Variants in LIPA observed in about 807,000 individuals in gnomAD.
The protein encoded by LIPA is lysosomal acid lipase/cholesteryl ester hydrolase.
In LIPA, 26 loss-of-function variants were observed where a neutral mutation model predicts 40.6. That is an observed-to-expected ratio of 0.64 (90% CI 0.47 to 0.89). The LOEUF (loss-of-function observed/expected upper bound fraction) is 0.89, where lower values mean the gene tolerates loss of function less well. LIPA is among the 40% of genes least tolerant of loss of function. The pLI is 0.00. For missense variants in LIPA, 455 were observed against 479.6 expected (o/e 0.95, Z 0.48); for synonymous variants, 188 against 168.4 (o/e 1.12, Z -0.90).
rs563251453 is a variant in LIPA at position 89,354,714 on chromosome 10, C to T, written c.61+58077G>A. Among the ~76,000 whole-genome samples, 30 of 152,190 alleles carry T rather than the reference C, an allele frequency of 2.0e-4. 1 individual carries two copies. The highest frequency in any genetic ancestry group is 6.7e-4 in the African/African-American group (28 of 41,516). Reference sequence around the variant, plus strand: ...TCCCGAGTAGCTGGAATTACAGGCACCCACCACCACGCCCTGCTAATTTTT... The same window carrying T: ...TCCCGAGTAGCTGGAATTACAGGCATCCACCACCACGCCCTGCTAATTTTT... On this transcript the variant is annotated intron_variant, in intron 2 of 8. Coordinates refer to the LIPA transcript ENST00000371837.
chr10:89,326,456 G>A (rs1233223740), intron 1 of LIPA, among the ~76,000 whole-genome samples: 1 of 152,142 alleles, frequency 6.6e-6, no homozygotes, highest in Non-Finnish European at 1.5e-5. Flanking sequence ...TAGTAGCGGG[G>A]GAAGTGGGGA....
intron 1 of LIPA, among the ~76,000 whole-genome samples, chr10:89,271,255 C>G (rs534609654): frequency 6.6e-6 from 1 of 152,344 alleles, no homozygotes; most frequent in Admixed American, 6.5e-5. Flanking sequence ...ATGCAGTACT[C>G]CTGTCACATT....
intron 1 of LIPA, among the ~76,000 whole-genome samples, chr10:89,297,032 G>C (rs926328515): frequency 2.6e-5 from 4 of 152,092 alleles, no homozygotes; most frequent in Non-Finnish European, 4.4e-5. Flanking sequence ...ATTATGAATA[G>C]ATAATTATAC....
chr10:89,297,320 T>A (rs886244331), intron 1 of LIPA, among the ~76,000 whole-genome samples: 3 of 152,080 alleles, frequency 2.0e-5, no homozygotes, highest in African/African-American at 7.2e-5. Flanking sequence ...ACAAGGGTAT[T>A]TCATGAGACA....
At chr10:89,383,877 G>A in intron 2 of LIPA, 1 of 1,614,140 alleles carries the variant, frequency 6.2e-7, no homozygotes, top group Non-Finnish European at 8.5e-7. Context: ...TCTATCGCCT[G>A]GATAAATTTA....
chr10:89,377,145 G>A (rs1262954621), intron 2 of LIPA, among the ~76,000 whole-genome samples: 1 of 152,140 alleles, frequency 6.6e-6, no homozygotes, highest in African/African-American at 2.4e-5. Flanking sequence ...CTAATTGTGT[G>A]GGCAATTACA....
At chr10:89,247,388 A>T in intron 2 of LIPA, 150 bp downstream of exon 2, 1 of 163,394 alleles carries the variant, frequency 6.1e-6, no homozygotes, top group South Asian at 2.1e-4. Context: ...TCAAAAAAAA[A>T]AAAAAAAAAA....
chr10:89,325,611 G>T (rs12220939), intron 1 of LIPA, among the ~76,000 whole-genome samples: 39,052 of 151,998 alleles, frequency 0.26, 5,547 homozygotes, highest in East Asian at 0.63. Context: ...AACTAATGCA[G>T]GAAGAGAAAA....
chr10:89,324,220 G>C (rs554035110), intron 1 of LIPA, among the ~76,000 whole-genome samples: 2 of 152,128 alleles, frequency 1.3e-5, no homozygotes, highest in East Asian at 3.9e-4. Flanking sequence ...CAAACTTAAG[G>C]GCACACACCT....
At chr10:89,385,612 C>T (rs59350558) in intron 2 of LIPA, among the ~76,000 whole-genome samples, 17,643 of 152,168 alleles carry the variant, frequency 0.12, 2,587 homozygotes, top group African/African-American at 0.34. Flanking sequence ...TGAGCAAAGA[C>T]AAGAGTTAGA....
chr10:89,294,570 T>C (rs1022833703), intron 1 of LIPA, among the ~76,000 whole-genome samples: 1 of 152,158 alleles, frequency 6.6e-6, no homozygotes, highest in Non-Finnish European at 1.5e-5. Flanking sequence ...AGGTCCCACC[T>C]CCCAACACTG....
In LIPA at chr10:89,328,372, G is replaced by A. The variant is rs78835508; in HGVS notation, c.-2+14239C>T. ...CCTGTGTGCAGCTATTTCCTGCAATGAGAGGAAGGCTTGGCAGGAGCGGTG... is the reference window on the plus strand; with the variant it reads ...CCTGTGTGCAGCTATTTCCTGCAATAAGAGGAAGGCTTGGCAGGAGCGGTG... On this transcript the variant is annotated intron_variant, in intron 1 of 5. Transcript: ENST00000282673. Among the ~76,000 whole-genome samples the A allele has an allele frequency of 6.7e-3, 1,013 of 152,296 alleles. 16 individuals carry two copies. The highest frequency in any genetic ancestry group is 0.05 in the East Asian group (261 of 5,180).
chr10:89,306,441 A>G (rs759723651), intron 1 of LIPA: 2 of 1,614,154 alleles, frequency 1.2e-6, no homozygotes, highest in Non-Finnish European at 1.7e-6. Flanking sequence ...GTGTGCTTTG[A>G]GAAGGCTCTG....
At chr10:89,241,632 T>C (rs1842965981) in intron 3 of LIPA, among the ~76,000 whole-genome samples, 1 of 152,194 alleles carries the variant, frequency 6.6e-6, no homozygotes, top group Non-Finnish European at 1.5e-5. Flanking sequence ...GCTATGACTC[T>C]AATAGCTCAA....
intron 2 of LIPA, among the ~76,000 whole-genome samples, chr10:89,349,490 T>C (rs1843944756): frequency 6.6e-6 from 1 of 152,166 alleles, no homozygotes; most frequent in Non-Finnish European, 1.5e-5. Context: ...TATCAAGCCC[T>C]CAAAAGATAT....
chr10:89,255,345 C>T (rs989474980), upstream of LIPA, among the ~76,000 whole-genome samples: 2 of 152,166 alleles, frequency 1.3e-5, no homozygotes, highest in African/African-American at 4.8e-5. Context: ...AGGGGTTTCC[C>T]CTTATAAACC....
chr10:89,232,985 T>G (rs911515068), intron 3 of LIPA, among the ~76,000 whole-genome samples: 29 of 152,262 alleles, frequency 1.9e-4, no homozygotes, highest in African/African-American at 5.8e-4. Context: ...CTAAGGTGGC[T>G]GTGCAGCTTC....
intron 1 of LIPA, among the ~76,000 whole-genome samples, chr10:89,322,140 G>A (rs1417020329): frequency 2.0e-5 from 3 of 152,178 alleles, no homozygotes; most frequent in Non-Finnish European, 2.9e-5. Context: ...AATGGGTGCA[G>A]CACACCAACA....
intron 1 of LIPA, chr10:89,328,106 G>C: frequency 6.2e-7 from 1 of 1,611,680 alleles, no homozygotes; most frequent in South Asian, 1.1e-5. Flanking sequence ...GCATAATCAT[G>C]CTTGTTTTTG....
Sources: gnomAD v4.1 joint callset for allele counts (sites outside exome capture counted in the v4.1 genomes callset) on GRCh38, gnomAD v4.1.1 for gene constraint, MANE v1.5 for transcripts, NCBI Gene and HGNC (gene_info 2026-07-23, HGNC 2026-07-21) for gene names.